Variants in RAB3IP observed in about 807,000 individuals in gnomAD.
RAB3IP encodes the protein rab-3A-interacting protein.
In RAB3IP, 36 loss-of-function variants were observed where a neutral mutation model predicts 59.1. The observed-to-expected ratio is 0.61, with a 90% CI of 0.47 to 0.80. RAB3IP has a LOEUF of 0.80. RAB3IP is among the 30% of genes least tolerant of loss of function. The probability of loss-of-function intolerance (pLI) is 0.00; values close to 1 mark genes in which losing one functional copy is unlikely to be tolerated. For missense variants in RAB3IP, 511 were observed against 536.0 expected, an observed-to-expected ratio of 0.95 and a Z score of 0.46; for synonymous variants, 207 against 191.2, an observed-to-expected ratio of 1.08 and a Z score of -0.68.
At chr12:69,740,835 T>C (rs977769317) in intron 1 of RAB3IP, among the ~76,000 whole-genome samples, 2 of 152,236 alleles carry the variant, frequency 1.3e-5, no homozygotes, top group East Asian at 1.9e-4. Context: ...AAAAATACTT[T>C]GTAGATTACA....
At chr12:69,793,314 C>G (rs1592573635) in intron 4 of RAB3IP, among the ~76,000 whole-genome samples, 1 of 152,098 alleles carries the variant, frequency 6.6e-6, no homozygotes, top group Admixed American at 6.6e-5. Flanking sequence ...TGCAGTGTTA[C>G]AATACTGTAA....
intron 3 of RAB3IP, among the ~76,000 whole-genome samples, chr12:69,782,146 G>C (rs1410435450): frequency 6.6e-6 from 1 of 151,982 alleles, no homozygotes; most frequent in Non-Finnish European, 1.5e-5. Flanking sequence ...AGGTATGCAG[G>C]GTATCTCATT....
In RAB3IP at chr12:69,750,720, G is replaced by T. The variant is rs1388470679; in HGVS notation, c.-25-4664G>T. Among the ~76,000 whole-genome samples the T allele has an allele frequency of 5.8e-5, 8 of 138,158 alleles. No homozygotes were observed. The Admixed American group carries it at 5.8e-4, about 10-fold the overall frequency. The allele number at this position is 138,158 out of a possible 152,430, so 90.6% of individuals were successfully genotyped here. A position where few individuals can be genotyped will look rare whatever the true frequency, so the allele number is the denominator to read the frequency against. ...CATCAAGAGGCTTGTTTGATTTGGG[G>T]TCTTTCTTTTTTTTTTTTTTCTTAG... On this transcript the variant is annotated intron_variant, in intron 1 of 10. Transcript: ENST00000247833.
intron 1 of RAB3IP, chr12:69,739,545 C>T (rs534349604): frequency 2.2e-6 from 1 of 461,318 alleles, no homozygotes; most frequent in South Asian, 2.5e-5. Context: ...GGTTTCGTGT[C>T]CCAGTCTTAG....
At chr12:69,796,552 A>T (rs1877462732) in intron 6 of RAB3IP, 1 of 493,260 alleles carries the variant, frequency 2.0e-6, no homozygotes, top group Non-Finnish European at 3.6e-6. Context: ...AAATTTTTGT[A>T]TGGAAGCCAG....
chr12:69,767,058 A>G lies in RAB3IP; in HGVS notation c.510+10395A>G, dbSNP rs777663837. Among the ~76,000 whole-genome samples, 3 of 152,238 alleles carry G rather than the reference A, an allele frequency of 2.0e-5. 1 individual carries two copies. Among genetic ancestry groups the G allele is most frequent in the Admixed American group, 1.3e-4 (2 of 15,286 alleles). On this transcript the variant is annotated intron_variant, in intron 3 of 10. Coordinates refer to ENST00000247833, the MANE Select transcript of RAB3IP (RefSeq NM_022456.5). ...TGTTACTACATTTAGATTTTTCATC[A>G]TGCCAGAATTCTTCCACTGGTTTCT...
At chr12:69,786,905 A>G (rs1024436972) in intron 4 of RAB3IP, among the ~76,000 whole-genome samples, 3 of 152,228 alleles carry the variant, frequency 2.0e-5, no homozygotes, top group Non-Finnish European at 4.4e-5. Context: ...TACTTTCTGG[A>G]AAACAAAGTA....
At chr12:69,799,492 A>C (rs759114939) in intron 6 of RAB3IP, among the ~76,000 whole-genome samples, 9 of 152,180 alleles carry the variant, frequency 5.9e-5, no homozygotes, top group Non-Finnish European at 1.2e-4. Context: ...AGTGAATAGG[A>C]AGGCAGGTGC....
At chr12:69,803,114 A>G (rs574814415) in intron 8 of RAB3IP, among the ~76,000 whole-genome samples, 1 of 152,296 alleles carries the variant, frequency 6.6e-6, no homozygotes, top group South Asian at 2.1e-4. Context: ...TGCATTATAT[A>G]TCACATATAT....
chr12:69,739,715 G>T, intron 1 of RAB3IP: 1 of 870,854 alleles, frequency 1.1e-6, no homozygotes, highest in Non-Finnish European at 1.9e-6. Flanking sequence ...CGAACTGCAC[G>T]GGTGGGATTG....
chr12:69,785,305 A>G (rs1875456627), intron 4 of RAB3IP, among the ~76,000 whole-genome samples: 1 of 152,208 alleles, frequency 6.6e-6, no homozygotes, highest in South Asian at 2.1e-4. Flanking sequence ...CTAACACTGT[A>G]GGACGTTTAG....
At chr12:69,810,722 A>T (rs539251948) in intron 8 of RAB3IP, among the ~76,000 whole-genome samples, 37 of 152,314 alleles carry the variant, frequency 2.4e-4, no homozygotes, top group Non-Finnish European at 3.5e-4. Flanking sequence ...AAGGAGTTAG[A>T]GATATCTGAC....
chr12:69,740,402 G>A (rs1887203432), intron 1 of RAB3IP, among the ~76,000 whole-genome samples: 1 of 152,058 alleles, frequency 6.6e-6, no homozygotes, highest in Non-Finnish European at 1.5e-5. Context: ...AAGCCCTTGT[G>A]GAATTTATAG....
rs184554908 is a variant in RAB3IP at position 69,806,029 on chromosome 12, A to G, written c.1130+4308A>G. On this transcript the variant is annotated intron_variant, in intron 8 of 10. Transcript: ENST00000247833. ...GGCCTCATAAAATGTGTTAGGGAGGATTCCCTCTTTTTCTATTTATTGGAA... is the reference window on the plus strand; with the variant it reads ...GGCCTCATAAAATGTGTTAGGGAGGGTTCCCTCTTTTTCTATTTATTGGAA... Among the ~76,000 whole-genome samples the G allele has an allele frequency of 1.1e-4, 16 of 152,164 alleles. No individual in the cohort carries two copies. In the East Asian group the frequency reaches 3.1e-3, roughly 29 times the overall value.
Position 69,794,525 on chromosome 12 carries a change from G to A in RAB3IP, c.684+11G>A, listed in dbSNP as rs912044486. 2.4e-5 allele frequency: 38 copies of A among 1,603,704 alleles called. No homozygotes were observed. Among genetic ancestry groups the A allele is most frequent in the Non-Finnish European group, 3.0e-5 (35 of 1,172,002 alleles). On this transcript the variant is annotated intron_variant, in intron 5 of 10. Transcript: ENST00000247833. ...GAAGCACAAGGAAAAGTGAGTTTTT[G>A]CAGCTCTTAATAGTATAAAATAAAT...
intron 3 of RAB3IP, among the ~76,000 whole-genome samples, chr12:69,759,816 C>A (rs867068077): frequency 2.6e-5 from 4 of 151,462 alleles, no homozygotes; most frequent in Non-Finnish European, 5.9e-5. Flanking sequence ...CCCTCCCGGA[C>A]GGGGCGGCTG....
Position 69,820,454 on chromosome 12 carries a change from A to G in RAB3IP, c.*5008A>G, listed in dbSNP as rs984104915. The G allele has an allele frequency of 2.6e-5, 4 of 151,254 alleles. No homozygotes were observed. The highest frequency in any genetic ancestry group is 5.9e-5 in the Non-Finnish European group (4 of 68,006). 9.4% of individuals were successfully genotyped at this position (151,254 alleles called of 1,614,324 possible). A position where few individuals can be genotyped will look rare whatever the true frequency, so the allele number is the denominator to read the frequency against. On this transcript the variant is annotated 3_prime_UTR_variant, in exon 11 of 11. Coordinates refer to ENST00000247833, the MANE Select transcript of RAB3IP (RefSeq NM_022456.5). ...TCCTTGCATCCACTCCTGCCCTCCTACAATCACTGACGGCAGCCGCAGGGA... is the reference window on the plus strand; with the variant it reads ...TCCTTGCATCCACTCCTGCCCTCCTGCAATCACTGACGGCAGCCGCAGGGA...
chr12:69,794,562 GTTTTAAA>G, intron 5 of RAB3IP, 48 bp downstream of exon 5: 1 of 1,413,868 alleles, frequency 7.1e-7, no homozygotes, highest in Non-Finnish European at 9.8e-7. Flanking sequence ...TGTGATAACT[GTTTTAAA>G]GATACCTTAA....
chr12:69,764,209 A>G (rs1812566161), intron 3 of RAB3IP, among the ~76,000 whole-genome samples: 1 of 151,914 alleles, frequency 6.6e-6, no homozygotes, highest in Non-Finnish European at 1.5e-5. Flanking sequence ...TTTTTCTAGG[A>G]TTCTTATGGC....
Sources: gnomAD v4.1 joint callset for allele counts (sites outside exome capture counted in the v4.1 genomes callset) on GRCh38, gnomAD v4.1.1 for gene constraint, MANE v1.5 for transcripts, NCBI Gene and HGNC (gene_info 2026-07-23, HGNC 2026-07-21) for gene names.